Variants in LINGO2 observed in about 807,000 individuals in gnomAD.
The protein encoded by LINGO2 is leucine rich repeat and Ig domain containing 2, also known as leucine-rich repeat and immunoglobulin-like domain-containing nogo receptor-interacting protein 2.
A neutral mutation model predicts 30.6 loss-of-function variants in LINGO2; 14 were observed. The observed-to-expected ratio is 0.46, with a 90% CI of 0.30 to 0.72. LINGO2 has a LOEUF of 0.72. LINGO2 is among the 30% of genes least tolerant of loss of function. The pLI, the probability that LINGO2 is intolerant of heterozygous loss-of-function variation, is 0.07. For synonymous variants in LINGO2, 317 were observed against 288.5 expected (o/e 1.10, Z -1.00); for missense variants, 729 against 751.7 (o/e 0.97, Z 0.35).
the LINGO2 span, among the ~76,000 whole-genome samples, chr9:29,046,329 T>A: frequency 6.6e-6 from 1 of 152,116 alleles, no homozygotes; most frequent in African/African-American, 2.4e-5. Flanking sequence ...CCTGGAGGCA[T>A]CACACTACCC....
At chr9:28,170,937 G>A (rs1303171245) in intron 4 of LINGO2, among the ~76,000 whole-genome samples, 2 of 152,146 alleles carry the variant, frequency 1.3e-5, no homozygotes, top group South Asian at 2.1e-4. Context: ...CATATTTAGA[G>A]GTTCTAAGGA....
chr9:28,736,682 C>T, the LINGO2 span, among the ~76,000 whole-genome samples: 2 of 152,002 alleles, frequency 1.3e-5, no homozygotes, highest in Non-Finnish European at 2.9e-5. Context: ...ATCCCAGCTA[C>T]TTGCGGGGCT....
intron 4 of LINGO2, among the ~76,000 whole-genome samples, chr9:28,240,281 T>G (rs921536524): frequency 6.6e-6 from 1 of 152,070 alleles, no homozygotes; most frequent in Non-Finnish European, 1.5e-5. Context: ...AAAACAATCC[T>G]AAAATTGATA....
chr9:28,787,078 T>C, the LINGO2 span, among the ~76,000 whole-genome samples: 1 of 152,174 alleles, frequency 6.6e-6, no homozygotes, highest in Non-Finnish European at 1.5e-5. Context: ...TTTTGCTTAA[T>C]CACCAGGTAG....
At chr9:28,820,426 G>T in the LINGO2 span, among the ~76,000 whole-genome samples, 1 of 152,118 alleles carries the variant, frequency 6.6e-6, no homozygotes, top group East Asian at 1.9e-4. Flanking sequence ...TGATGAAAAA[G>T]ATGCAAGCAG....
At chr9:28,719,769 G>A in the LINGO2 span, among the ~76,000 whole-genome samples, 1 of 151,822 alleles carries the variant, frequency 6.6e-6, no homozygotes, top group African/African-American at 2.4e-5. Flanking sequence ...CAGGTCCATA[G>A]CTTTTATTGC....
the LINGO2 span, among the ~76,000 whole-genome samples, chr9:28,861,630 T>C: frequency 6.6e-6 from 1 of 151,688 alleles, no homozygotes. Context: ...CTGGGCATGG[T>C]GGCAGGCACT....
chr9:29,019,521 C>T, the LINGO2 span, among the ~76,000 whole-genome samples: 1 of 152,136 alleles, frequency 6.6e-6, no homozygotes, highest in African/African-American at 2.4e-5. Context: ...CCCTTCTGGT[C>T]TCCACTCCCA....
At chr9:28,043,437 G>A (rs1321819987) in intron 4 of LINGO2, among the ~76,000 whole-genome samples, 7 of 152,176 alleles carry the variant, frequency 4.6e-5, no homozygotes, top group Non-Finnish European at 7.3e-5. Flanking sequence ...AGGAGAGTAT[G>A]GCAGTCTCTG....
intron 2 of LINGO2, among the ~76,000 whole-genome samples, chr9:28,437,857 G>T (rs1824016450): frequency 6.6e-6 from 1 of 152,038 alleles, no homozygotes; most frequent in South Asian, 2.1e-4. Context: ...ATTCTGCCAG[G>T]CATAATTTTT....
intron 1 of LINGO2, among the ~76,000 whole-genome samples, chr9:28,583,239 A>G (rs918720209): frequency 5.3e-5 from 8 of 152,056 alleles, no homozygotes; most frequent in African/African-American, 1.7e-4. Context: ...CACTATTTAT[A>G]TCATTAGTTT....
the LINGO2 span, among the ~76,000 whole-genome samples, chr9:28,776,112 A>C: frequency 6.6e-6 from 1 of 152,154 alleles, no homozygotes; most frequent in Non-Finnish European, 1.5e-5. Context: ...CAGTTTATGG[A>C]ATACTTTTGT....
the LINGO2 span, among the ~76,000 whole-genome samples, chr9:29,066,369 T>C: frequency 6.6e-6 from 1 of 151,944 alleles, no homozygotes; most frequent in Admixed American, 6.6e-5. Context: ...TATTGTGGTA[T>C]AACCAAGTCT....
chr9:28,189,672 GAA>G (rs1819735082), intron 4 of LINGO2, among the ~76,000 whole-genome samples: 1 of 89,336 alleles, frequency 1.1e-5, no homozygotes, highest in Non-Finnish European at 2.5e-5. Context: ...AGGAAGGGAG[GAA>G]GGAAGGAAGG....
At chr9:28,212,260 T>C (rs1330938248) in intron 4 of LINGO2, among the ~76,000 whole-genome samples, 2 of 151,500 alleles carry the variant, frequency 1.3e-5, no homozygotes, top group Non-Finnish European at 3.0e-5. Flanking sequence ...TGTTGAGTAA[T>C]AAGTACATTA....
At chr9:28,035,749 T>C (rs149675462) in intron 4 of LINGO2, among the ~76,000 whole-genome samples, 1 of 152,304 alleles carries the variant, frequency 6.6e-6, no homozygotes, top group African/African-American at 2.4e-5. Flanking sequence ...TGTAGGGGTA[T>C]GTTGAATATA....
At chr9:29,024,696 A>G in the LINGO2 span, among the ~76,000 whole-genome samples, 1 of 152,142 alleles carries the variant, frequency 6.6e-6, no homozygotes, top group Non-Finnish European at 1.5e-5. Context: ...GCAGAGTGAT[A>G]TTGAAATGTG....
At chr9:28,667,633 A>G (rs1245235971) in intron 1 of LINGO2, among the ~76,000 whole-genome samples, 1 of 152,194 alleles carries the variant, frequency 6.6e-6, no homozygotes, top group East Asian at 1.9e-4. Flanking sequence ...AGTCCCAGCT[A>G]CTCAGGGGAC....
At chr9:28,076,634 T>C (rs1563960464) in intron 4 of LINGO2, among the ~76,000 whole-genome samples, 1 of 152,140 alleles carries the variant, frequency 6.6e-6, no homozygotes, top group Non-Finnish European at 1.5e-5. Flanking sequence ...TGAAACATTC[T>C]CTAGGAAGTT....
Sources: gnomAD v4.1 joint callset for allele counts (sites outside exome capture counted in the v4.1 genomes callset) on GRCh38, gnomAD v4.1.1 for gene constraint, MANE v1.5 for transcripts, NCBI Gene and HGNC (gene_info 2026-07-23, HGNC 2026-07-21) for gene names.